The following GPD2 variants were observed in gnomAD, a reference collection of about 807,000 sequenced individuals.
GPD2 encodes the protein glycerol-3-phosphate dehydrogenase, mitochondrial.
GPD2 carries 54 observed loss-of-function variants against 82.4 expected under a neutral mutation model. That is an observed-to-expected ratio of 0.66 (90% CI 0.53 to 0.82). The LOEUF is 0.82. Among genes scored for constraint, GPD2 ranks in the 40% least tolerant of loss-of-function variants. GPD2 has a pLI of 0.00. For synonymous variants in GPD2, 288 were observed against 306.1 expected, an observed-to-expected ratio of 0.94 and a Z score of 0.62; for missense variants, 748 against 896.2, an observed-to-expected ratio of 0.83 and a Z score of 2.11.
chr2:156,466,760 T>A (rs1041050874), intron 1 of GPD2, among the ~76,000 whole-genome samples: 8 of 152,328 alleles, frequency 5.3e-5, no homozygotes, highest in African/African-American at 1.9e-4. Context: ...TGCAACAAAT[T>A]TTTTATAAAC....
intron 1 of GPD2, among the ~76,000 whole-genome samples, chr2:156,439,447 T>C (rs1490077837): frequency 7.8e-6 from 1 of 128,512 alleles, no homozygotes; most frequent in African/African-American, 3.0e-5. Context: ...CCAGGCATGG[T>C]GGCACGTGCC....
At chr2:156,582,764 C>T (rs768315322) in intron 16 of GPD2, 29 bp from the exon 17 acceptor site, 4 of 1,611,474 alleles carry the variant, frequency 2.5e-6, no homozygotes, top group East Asian at 4.5e-5. Flanking sequence ...GGCCTGCGTT[C>T]TGAATCTGTT....
At chr2:156,545,001 G>A (rs986876371) in intron 6 of GPD2, among the ~76,000 whole-genome samples, 1 of 152,066 alleles carries the variant, frequency 6.6e-6, no homozygotes, top group South Asian at 2.1e-4. Flanking sequence ...ATGAAGAGTG[G>A]GTTCTTATTT....
chr2:156,403,530 T>TTG, the GPD2 span, among the ~76,000 whole-genome samples: 3 of 152,130 alleles, frequency 2.0e-5, no homozygotes, highest in Non-Finnish European at 4.4e-5. Flanking sequence ...TGCAGACTTT[T>TTG]GGTTAGGTAA....
In GPD2 at chr2:156,555,908, C is replaced by T. The variant is rs138649126; in HGVS notation, c.972-1481C>T. ...CTTCTACCTACTCTCTCCGATGTGT[C>T]TCAGATAGGCTGTGAACAGTGACTT... is the stretch of plus-strand genomic sequence containing the variant. On this transcript the variant is annotated intron_variant, in intron 8 of 16. Coordinates refer to ENST00000438166, the MANE Select transcript of GPD2 (RefSeq NM_000408.5). Among the ~76,000 whole-genome samples the T allele has an allele frequency of 9.8e-3, 1,494 of 152,224 alleles. 7 individuals carry two copies. The highest frequency in any genetic ancestry group is 0.012 in the Non-Finnish European group (810 of 68,018).
chr2:156,507,748 A>T (rs1319028990), intron 3 of GPD2, among the ~76,000 whole-genome samples: 1 of 152,200 alleles, frequency 6.6e-6, no homozygotes, highest in Non-Finnish European at 1.5e-5. Flanking sequence ...AACAGTGGTT[A>T]ACAGGACAAG....
chr2:156,414,428 G>A, the GPD2 span, among the ~76,000 whole-genome samples: 3 of 152,064 alleles, frequency 2.0e-5, no homozygotes, highest in African/African-American at 2.4e-5. Flanking sequence ...GAGGTCAAAC[G>A]TTCACATTAA....
chr2:156,567,355 A>G lies in GPD2; in HGVS notation c.1166-1470A>G, dbSNP rs1337489659. 3.9e-5 allele frequency among the ~76,000 whole-genome samples: 6 copies of G among 152,090 alleles called. No individual in the cohort carries two copies. In the East Asian group the frequency reaches 1.2e-3, roughly 29 times the overall value. On this transcript the variant is annotated intron_variant, in intron 9 of 16. Coordinates refer to ENST00000438166, the MANE Select transcript of GPD2 (RefSeq NM_000408.5). The stretch of plus-strand genomic sequence containing the variant: ...GCTCTTATGTTTAGGCCTTTGATGC[A>G]TTATGAGTAAATTTTTGTATACGAT...
intron 6 of GPD2, among the ~76,000 whole-genome samples, chr2:156,529,985 G>A (rs1673529177): frequency 6.6e-6 from 1 of 151,754 alleles, no homozygotes; most frequent in African/African-American, 2.4e-5. Flanking sequence ...GAAAGTGATT[G>A]GTAGCTTGAT....
In GPD2 at chr2:156,571,201, C is replaced by T. The variant is rs776890460; in HGVS notation, c.1676C>T (p.Ala559Val). 6.8e-6 allele frequency: 11 copies of T among 1,608,198 alleles called. No individual in the cohort carries two copies. The highest frequency in any genetic ancestry group is 9.4e-6 in the Non-Finnish European group (11 of 1,174,694). Reference protein sequence around the residue: ...VDMISRRTRLAFLNVQAAEEA... With the variant: ...VDMISRRTRLVFLNVQAAEEA... ...ATGATTTCACGTCGTACTCGCCTGG[C>T]CTTTCTAAATGTCCAGGCAGCAGAG... Residue 559 changes from alanine to valine, a missense_variant, in exon 13 of 17, where the codon GCC (alanine) becomes GTC (valine). Ala to Val is a moderately conservative substitution (Grantham distance 64). This residue lies in a region of GPD2 where 692 missense variants were observed against 809.7 expected (regional missense o/e 0.85). Transcript: ENST00000438166.
intron 1 of GPD2, among the ~76,000 whole-genome samples, chr2:156,461,276 C>A (rs983295188): frequency 2.7e-5 from 4 of 149,034 alleles, no homozygotes; most frequent in Non-Finnish European, 5.9e-5. Flanking sequence ...TCTACTTTTA[C>A]TCTTATTACC....
chr2:156,577,166 C>G (rs6725987), intron 13 of GPD2, among the ~76,000 whole-genome samples: 40,381 of 151,856 alleles, frequency 0.27, 5,487 homozygotes, highest in South Asian at 0.32. Flanking sequence ...AAAAGGAAAG[C>G]AGGAAAGGAA....
intron 2 of GPD2, among the ~76,000 whole-genome samples, chr2:156,489,589 T>C (rs1471458995): frequency 2.0e-5 from 3 of 152,206 alleles, no homozygotes; most frequent in Non-Finnish European, 4.4e-5. Flanking sequence ...TATAGAATCC[T>C]TGAAGGCCTC....
Position 156,512,242 on chromosome 2 carries a change from T to C in GPD2, c.422T>C (p.Leu141Pro). The change falls in exon 5 of 17, where the codon CTT becomes CCT. Residue 141 changes from leucine to proline, a missense_variant. Physicochemically the swap from Leu to Pro is moderately conservative, Grantham distance 98. Around this residue, in one of 3 missense-constraint regions of GPD2, gnomAD observed 692 missense variants for 809.7 expected, o/e 0.85. Transcript: ENST00000438166. ...CAGTATAGGATGGTAAAAGAAGCCC[T>C]TCATGAGCGTGCCAACCTGCTAGAA... ...IEQYRMVKEA[L>P]HERANLLEIA... 6.3e-7 allele frequency: 1 copy of C among 1,592,340 alleles called. No individual in the cohort carries two copies. The highest frequency in any genetic ancestry group is 8.6e-7 in the Non-Finnish European group (1 of 1,160,182).
chr2:156,448,029 A>G (rs908358400), intron 1 of GPD2, among the ~76,000 whole-genome samples: 1 of 152,018 alleles, frequency 6.6e-6, no homozygotes, highest in Non-Finnish European at 1.5e-5. Context: ...CTTATTGACA[A>G]ATGCCATCAT....
At chr2:156,504,219 T>C (rs1460132894) in intron 3 of GPD2, among the ~76,000 whole-genome samples, 2 of 152,140 alleles carry the variant, frequency 1.3e-5, no homozygotes, top group African/African-American at 4.8e-5. Flanking sequence ...TCGTGAGGAT[T>C]AACAAGTCAG....
chr2:156,529,707 A>G (rs1438576601), intron 6 of GPD2, among the ~76,000 whole-genome samples: 1 of 150,782 alleles, frequency 6.6e-6, no homozygotes, highest in African/African-American at 2.4e-5. Flanking sequence ...TCCTTTCCCC[A>G]TTGCTTGTTT....
intron 1 of GPD2, among the ~76,000 whole-genome samples, chr2:156,470,624 G>A (rs182298142): frequency 2.6e-5 from 4 of 152,318 alleles, no homozygotes; most frequent in South Asian, 2.1e-4. Flanking sequence ...CAGGAAGTGC[G>A]ATCTGGTTCT....
In GPD2 at chr2:156,582,997, T is replaced by C. The variant is rs1460709593; in HGVS notation, c.*79T>C. ...AACAACCAGAGATGACTGAAACCAC[T>C]CTGAAATAATGAATGTGGATAGCTG... On this transcript the variant is annotated 3_prime_UTR_variant, in exon 17 of 17. Coordinates refer to ENST00000438166, the MANE Select transcript of GPD2 (RefSeq NM_000408.5). 6 of 1,454,046 alleles carry C rather than the reference T, an allele frequency of 4.1e-6. No individual in the cohort carries two copies. In the East Asian group the frequency reaches 1.4e-4, roughly 33 times the overall value. 90.1% of individuals were successfully genotyped at this position (1,454,046 alleles called of 1,614,324 possible). A position where few individuals can be genotyped will look rare whatever the true frequency, so the allele number is the denominator to read the frequency against.
Sources: allele counts gnomAD v4.1 joint callset (sites outside exome capture counted in the v4.1 genomes callset), GRCh38; gene constraint gnomAD v4.1.1; regional missense constraint gnomAD v4.1.1; transcripts MANE v1.5; gene names NCBI Gene and HGNC (gene_info 2026-07-23, HGNC 2026-07-21).